The following MBD5 variants were observed in gnomAD, a reference collection of about 807,000 sequenced individuals.
MBD5 encodes the protein methyl-CpG binding domain protein 5, also known as methyl-CpG-binding domain protein 5.
MBD5 carries 13 observed loss-of-function variants against 117.3 expected under a neutral mutation model. The ratio of observed to expected loss-of-function variants is 0.11; its 90% CI spans 0.07 to 0.18. The LOEUF (loss-of-function observed/expected upper bound fraction) is 0.18, where lower values mean the gene tolerates loss of function less well. Ranked by LOEUF, MBD5 falls within the 10% of genes least tolerant of loss-of-function variation. The probability of loss-of-function intolerance (pLI) is 1.00; values close to 1 mark genes in which losing one functional copy is unlikely to be tolerated. For missense variants in MBD5, 1,879 were observed against 2,093.8 expected, an observed-to-expected ratio of 0.90 and a Z score of 2.00; for synonymous variants, 727 against 766.4, an observed-to-expected ratio of 0.95 and a Z score of 0.85.
At chr2:148,079,437 T>C (rs920751639) in intron 1 of MBD5, among the ~76,000 whole-genome samples, 2 of 152,142 alleles carry the variant, frequency 1.3e-5, no homozygotes, top group African/African-American at 2.4e-5. Flanking sequence ...TATAATCTTC[T>C]TGGCTAGTGA....
chr2:148,325,972 T>C (rs544437209), intron 3 of MBD5, among the ~76,000 whole-genome samples: 2,989 of 152,276 alleles, frequency 0.02, 107 homozygotes, highest in African/African-American at 0.069. Context: ...TGTGGGCATT[T>C]AGTGCTATAA....
rs182276162 is a variant in MBD5 at position 148,173,394 on chromosome 2, G to A, written c.-924-5306G>A. Reference sequence around the variant, plus strand: ...CAGCCCACCCCGCTGCAGTCAGCACGCCTGGCTCTGCGCAGTGGTCGGACC... The same window carrying A: ...CAGCCCACCCCGCTGCAGTCAGCACACCTGGCTCTGCGCAGTGGTCGGACC... On this transcript the variant is annotated intron_variant, in intron 1 of 13. Coordinates refer to ENST00000642680, the MANE Select transcript of MBD5 (RefSeq NM_001378120.1). 3.0e-3 allele frequency among the ~76,000 whole-genome samples: 451 copies of A among 152,326 alleles called. 3 individuals carry two copies. Among genetic ancestry groups the A allele is most frequent in the Middle Eastern group, 0.017 (5 of 294 alleles).
intron 1 of MBD5, among the ~76,000 whole-genome samples, chr2:148,150,474 GAAGA>G (rs1558947570): frequency 6.6e-6 from 1 of 152,120 alleles, no homozygotes; most frequent in Non-Finnish European, 1.5e-5. Context: ...CCAATTCTGT[GAAGA>G]AAGTCATTGG....
intron 4 of MBD5, among the ~76,000 whole-genome samples, chr2:148,344,833 T>A (rs979873465): frequency 6.6e-6 from 1 of 151,886 alleles, no homozygotes; most frequent in African/African-American, 2.4e-5. Context: ...CACCTTCCTT[T>A]TATTAAATAT....
At chr2:148,393,004 T>A (rs1159392805) in intron 4 of MBD5, among the ~76,000 whole-genome samples, 1 of 152,208 alleles carries the variant, frequency 6.6e-6, no homozygotes, top group Non-Finnish European at 1.5e-5. Flanking sequence ...AAATATAGCC[T>A]GTAATCCTCT....
chr2:148,062,017 A>T (rs1456636615), intron 1 of MBD5: 1 of 150,848 alleles, frequency 6.6e-6, no homozygotes, highest in Non-Finnish European at 1.5e-5. Context: ...ATTCATAAAT[A>T]TGTAAGGATG....
At chr2:148,079,553 T>C (rs1297215954) in intron 1 of MBD5, among the ~76,000 whole-genome samples, 2 of 151,744 alleles carry the variant, frequency 1.3e-5, no homozygotes, top group Admixed American at 6.6e-5. Flanking sequence ...TTGTGTCTAC[T>C]CTCCTCTCTT....
chr2:148,297,398 A>G (rs976646364), intron 3 of MBD5, among the ~76,000 whole-genome samples: 1 of 152,174 alleles, frequency 6.6e-6, no homozygotes, highest in Non-Finnish European at 1.5e-5. Flanking sequence ...CCATGCATAT[A>G]GTCCTCCTGG....
chr2:148,397,207 A>C (rs1310954626), intron 4 of MBD5, among the ~76,000 whole-genome samples: 1 of 152,180 alleles, frequency 6.6e-6, no homozygotes, highest in Non-Finnish European at 1.5e-5. Context: ...TGTGTAGTAA[A>C]AATTGTCAAC....
intron 1 of MBD5, among the ~76,000 whole-genome samples, chr2:148,150,866 A>G (rs534141013): frequency 1.5e-3 from 227 of 152,312 alleles, no homozygotes; most frequent in Admixed American, 3.3e-3. Context: ...TGTTCTAGAT[A>G]TACAATCATG....
At chr2:148,130,537 A>T (rs1697018430) in intron 1 of MBD5, among the ~76,000 whole-genome samples, 1 of 143,678 alleles carries the variant, frequency 7.0e-6, no homozygotes, top group Non-Finnish European at 1.5e-5. Context: ...GGTCTAACAA[A>T]ATACTGGCTG....
intron 1 of MBD5, among the ~76,000 whole-genome samples, chr2:148,165,966 C>A (rs919737470): frequency 6.6e-6 from 1 of 152,112 alleles, no homozygotes; most frequent in Non-Finnish European, 1.5e-5. Context: ...GAAGATTCAG[C>A]AAGTTTCTGG....
At position 148,490,844 on chromosome 2, in the gene MBD5, A is replaced by C. The variant is rs7574808; in HGVS notation, c.4962+250A>C. ...GGGCTCAGGGTGGCTGTAAGCCAGG[A>C]ACCAGATTTCCAGAATTTAGTCAAC... On this transcript the variant is annotated intron_variant, in intron 11 of 13. Transcript: ENST00000642680. The C allele has an allele frequency of 9.1e-3, 4,624 of 509,976 alleles. 164 individuals carry two copies. The highest frequency in any genetic ancestry group is 0.076 in the African/African-American group (3,973 of 52,220). The allele number at this position is 509,976 out of a possible 1,614,324, so 31.6% of individuals were successfully genotyped here. A position where few individuals can be genotyped will look rare whatever the true frequency, so the allele number is the denominator to read the frequency against.
chr2:148,350,285 C>A (rs2105225811), intron 4 of MBD5, among the ~76,000 whole-genome samples: 1 of 152,144 alleles, frequency 6.6e-6, no homozygotes, highest in African/African-American at 2.4e-5. Context: ...CTCATGACTT[C>A]ATTTTTTGTT....
chr2:148,243,143 C>G (rs7576452), intron 3 of MBD5, among the ~76,000 whole-genome samples: 1 of 146,326 alleles, frequency 6.8e-6, no homozygotes, highest in Non-Finnish European at 1.5e-5. Context: ...AAAAAAAAAA[C>G]TGCTCAGTAA....
intron 4 of MBD5, among the ~76,000 whole-genome samples, chr2:148,370,161 G>T (rs959169646): frequency 6.6e-6 from 1 of 152,082 alleles, no homozygotes; most frequent in East Asian, 1.9e-4. Context: ...TCTAGTTGTT[G>T]ATACTTGCTT....
At chr2:148,447,190 AG>A (rs2105452915) in intron 4 of MBD5, among the ~76,000 whole-genome samples, 1 of 9,912 alleles carries the variant, frequency 1.0e-4, no homozygotes, top group Admixed American at 3.8e-3. Flanking sequence ...AAAGAAAGAA[AG>A]AAAGAAAGAA....
At chr2:148,120,892 G>T (rs1394853120) in intron 1 of MBD5, among the ~76,000 whole-genome samples, 1 of 152,156 alleles carries the variant, frequency 6.6e-6, no homozygotes, top group Non-Finnish European at 1.5e-5. Flanking sequence ...AAGCATGATG[G>T]CTATGACTTT....
intron 1 of MBD5, among the ~76,000 whole-genome samples, chr2:148,080,396 A>G (rs1695619365): frequency 6.6e-6 from 1 of 152,220 alleles, no homozygotes. Context: ...ATTAAATTGT[A>G]AGAAAAGCAG....
Sources: allele counts gnomAD v4.1 joint callset (sites outside exome capture counted in the v4.1 genomes callset), GRCh38; gene constraint gnomAD v4.1.1; transcripts MANE v1.5; gene names NCBI Gene and HGNC (gene_info 2026-07-23, HGNC 2026-07-21).